BCAS4: variants seen among roughly 807,000 people sequenced by gnomAD.
The protein encoded by BCAS4 is breast carcinoma amplified sequence 4.
Under a neutral mutation model 15.7 loss-of-function variants are expected in BCAS4, and 9 were observed. That is an observed-to-expected ratio of 0.57 (90% CI 0.34 to 1.00). The LOEUF (loss-of-function observed/expected upper bound fraction) is 1.00. Among genes scored for constraint, BCAS4 ranks in the 50% least tolerant of loss-of-function variants. The pLI, the probability that BCAS4 is intolerant of heterozygous loss-of-function variation, is 0.02. For synonymous variants in BCAS4, 101 were observed against 99.5 expected (o/e 1.02, Z -0.09); for missense variants, 225 against 239.1 (o/e 0.94, Z 0.39).
rs1979950739 is a variant in BCAS4 at position 50,876,489 on chromosome 20, T to C, written c.403T>C (p.Ser135Pro). ...SAGLPSFRNK[S>P]PAPVPVTYEL... is the part of the protein sequence containing the mutation. ...GCTTCATTTCTTGTCATTCCAGAAG[T>C]CACCTGCACCGGTGCCCGTGACGTA... Residue 135 changes from serine to proline, a missense_variant, in exon 5 of 5, where the codon TCA (serine) becomes CCA (proline). Ser to Pro is a moderately conservative substitution (Grantham distance 74). Transcript: ENST00000371608. The C allele has an allele frequency of 1.2e-6, 2 of 1,612,708 alleles. No homozygotes were observed. The highest frequency in any genetic ancestry group is 4.5e-5 in the East Asian group (2 of 44,830).
chr20:50,872,261 C>G (rs1979683230), intron 4 of BCAS4, among the ~76,000 whole-genome samples: 1 of 36,648 alleles, frequency 2.7e-5, no homozygotes, highest in Admixed American at 4.9e-4. Context: ...GAGACTCTGT[C>G]TCAAAAAAAA....
At chr20:50,800,197 G>A (rs558134336) in intron 1 of BCAS4, among the ~76,000 whole-genome samples, 1 of 152,294 alleles carries the variant, frequency 6.6e-6, no homozygotes, top group African/African-American at 2.4e-5. Flanking sequence ...GTGCAGTCAT[G>A]GAGGTCTTCC....
intron 2 of BCAS4, among the ~76,000 whole-genome samples, chr20:50,826,046 C>T (rs560173073): frequency 1.3e-5 from 2 of 152,282 alleles, no homozygotes; most frequent in African/African-American, 4.8e-5. Context: ...TACCCCCAAG[C>T]TCATTCTCAC....
At position 50,801,375 on chromosome 20, in the gene BCAS4, C is replaced by T. The variant is rs538136504; in HGVS notation, c.90+6202C>T. Reference sequence around the variant, plus strand: ...CGGGAGGTGGAAGTTGCAGTGAGGCCGAGATTGTGCCACTGCACTCCAGCC... The same window carrying T: ...CGGGAGGTGGAAGTTGCAGTGAGGCTGAGATTGTGCCACTGCACTCCAGCC... On this transcript the variant is annotated intron_variant, in intron 1 of 4. Transcript: ENST00000371608. Among the ~76,000 whole-genome samples, 9 of 152,074 alleles carry T rather than the reference C, an allele frequency of 5.9e-5. No individual in the cohort carries two copies. The East Asian group carries it at 1.7e-3, about 29-fold the overall frequency.
chr20:50,801,303 G>A (rs2087924031), intron 1 of BCAS4, among the ~76,000 whole-genome samples: 1 of 152,094 alleles, frequency 6.6e-6, no homozygotes, highest in African/African-American at 2.4e-5. Context: ...GCAGGTGCCT[G>A]TAATCCCAGG....
At chr20:50,819,182 C>CAA (rs200632082) in intron 2 of BCAS4, among the ~76,000 whole-genome samples, 2 of 146,780 alleles carry the variant, frequency 1.4e-5, no homozygotes, top group African/African-American at 5.0e-5. Flanking sequence ...GATTGTGTCT[C>CAA]AAAAAAAAAA....
intron 3 of BCAS4, among the ~76,000 whole-genome samples, chr20:50,837,733 C>T (rs189028891): frequency 7.9e-5 from 12 of 152,356 alleles, no homozygotes; most frequent in Admixed American, 7.8e-4. Flanking sequence ...GGGCTGGCCT[C>T]ACTGGCAGGC....
chr20:50,802,141 A>G (rs1007717130), intron 1 of BCAS4, among the ~76,000 whole-genome samples: 1 of 152,082 alleles, frequency 6.6e-6, no homozygotes, highest in Non-Finnish European at 1.5e-5. Flanking sequence ...TTGAGGTTGC[A>G]GTGAGCTATG....
intron 1 of BCAS4, among the ~76,000 whole-genome samples, chr20:50,806,001 T>C (rs921723507): frequency 4.0e-5 from 6 of 149,956 alleles, no homozygotes; most frequent in African/African-American, 1.5e-4. Context: ...AGTGGGAAAC[T>C]GAACATAAAC....
intron 4 of BCAS4, among the ~76,000 whole-genome samples, chr20:50,853,353 C>T (rs1284522737): frequency 6.6e-6 from 1 of 151,982 alleles, no homozygotes; most frequent in African/African-American, 2.4e-5. Flanking sequence ...CCATGTTAGC[C>T]AGGCTGGTCT....
chr20:50,870,188 A>C (rs1396119230), intron 4 of BCAS4, among the ~76,000 whole-genome samples: 1 of 152,212 alleles, frequency 6.6e-6, no homozygotes, highest in Non-Finnish European at 1.5e-5. Context: ...TAAAATATTT[A>C]CTATCTAGCT....
intron 1 of BCAS4, among the ~76,000 whole-genome samples, chr20:50,799,406 A>G (rs1028158037): frequency 6.6e-6 from 1 of 152,212 alleles, no homozygotes; most frequent in African/African-American, 2.4e-5. Context: ...GCGCCAGAGC[A>G]GAGTCACATG....
intron 3 of BCAS4, among the ~76,000 whole-genome samples, chr20:50,836,604 G>A (rs1448134469): frequency 6.6e-6 from 1 of 152,186 alleles, no homozygotes. Context: ...GAGTGTCAGT[G>A]GCTTCCACAG....
rs753663536 is a variant in BCAS4 at position 50,858,913 on chromosome 20, G to A, written c.399+17013G>A. The stretch of plus-strand genomic sequence containing the variant: ...GGCTAACTTTTGTATTTTTTGTAGA[G>A]ACAGGCTCTTGCTATTATTATTATT... On this transcript the variant is annotated intron_variant, in intron 4 of 4. Transcript: ENST00000371608. Among the ~76,000 whole-genome samples the A allele has an allele frequency of 1.2e-3, 157 of 133,580 alleles. 1 individual carries two copies. The highest frequency in any genetic ancestry group is 1.4e-3 in the Admixed American group (19 of 13,790). 87.6% of individuals were successfully genotyped at this position (133,580 alleles called of 152,430 possible). A position where few individuals can be genotyped will look rare whatever the true frequency, so the allele number is the denominator to read the frequency against.
At chr20:50,839,311 A>C (rs2088449081) in intron 3 of BCAS4, among the ~76,000 whole-genome samples, 1 of 152,246 alleles carries the variant, frequency 6.6e-6, no homozygotes, top group African/African-American at 2.4e-5. Flanking sequence ...GAAAAGACAG[A>C]CACCAGAGGT....
At chr20:50,799,328 TAGC>T (rs1254524109) in intron 1 of BCAS4, among the ~76,000 whole-genome samples, 2 of 152,208 alleles carry the variant, frequency 1.3e-5, no homozygotes, top group African/African-American at 4.8e-5. Context: ...CAACTCCCTG[TAGC>T]TCCATGCAGC....
At chr20:50,849,316 C>T (rs986022182) in intron 4 of BCAS4, among the ~76,000 whole-genome samples, 1 of 152,224 alleles carries the variant, frequency 6.6e-6, no homozygotes, top group East Asian at 1.9e-4. Flanking sequence ...CTGCACAGAG[C>T]GATGCTGCCC....
At chr20:50,833,527 A>G (rs564300153) in intron 3 of BCAS4, among the ~76,000 whole-genome samples, 1 of 152,298 alleles carries the variant, frequency 6.6e-6, no homozygotes, top group South Asian at 2.1e-4. Context: ...CCCACTCCCC[A>G]GCGTGACAAC....
intron 1 of BCAS4, among the ~76,000 whole-genome samples, chr20:50,801,197 C>T (rs917401526): frequency 6.6e-5 from 10 of 152,098 alleles, no homozygotes; most frequent in Admixed American, 5.2e-4. Flanking sequence ...GAGGCCGAGG[C>T]GGGTGGATCA....
Sources: allele counts gnomAD v4.1 joint callset (sites outside exome capture counted in the v4.1 genomes callset), GRCh38; gene constraint gnomAD v4.1.1; transcripts MANE v1.5; gene names NCBI Gene and HGNC (gene_info 2026-07-23, HGNC 2026-07-21).